The following CNTN4 variants were observed in gnomAD, a reference collection of about 807,000 sequenced individuals.
CNTN4 encodes contactin-4.
CNTN4 carries 77 observed loss-of-function variants against 122.5 expected under a neutral mutation model. That is an observed-to-expected ratio of 0.63 (90% CI 0.52 to 0.76). The LOEUF (loss-of-function observed/expected upper bound fraction) is 0.76, where lower values mean the gene tolerates loss of function less well. Among genes scored for constraint, CNTN4 ranks in the 30% least tolerant of loss-of-function variants. The probability of loss-of-function intolerance (pLI) is 0.00; values close to 1 mark genes in which losing one functional copy is unlikely to be tolerated. For synonymous variants in CNTN4, 512 were observed against 447.0 expected, an observed-to-expected ratio of 1.15 and a Z score of -1.83; for missense variants, 1,256 against 1,259.1, an observed-to-expected ratio of 1.00 and a Z score of 0.04.
chr3:2,542,621 G>A (rs746608687), intron 3 of CNTN4, among the ~76,000 whole-genome samples: 3 of 152,124 alleles, frequency 2.0e-5, no homozygotes, highest in Non-Finnish European at 2.9e-5. Context: ...GGAGATTAAG[G>A]TACAAATATT....
chr3:2,353,146 C>T (rs551135829), intron 3 of CNTN4, among the ~76,000 whole-genome samples: 20 of 151,860 alleles, frequency 1.3e-4, no homozygotes, highest in East Asian at 7.8e-4. Flanking sequence ...GTGTCTAGCT[C>T]GGGTTTTGTG....
At chr3:2,577,296 C>G (rs193041541) in intron 4 of CNTN4, among the ~76,000 whole-genome samples, 49 of 152,268 alleles carry the variant, frequency 3.2e-4, no homozygotes, top group Admixed American at 1.6e-3. Flanking sequence ...TGGGAAAAAA[C>G]AGCTTTAACA....
intron 3 of CNTN4, among the ~76,000 whole-genome samples, chr3:2,353,085 G>A (rs768085784): frequency 2.6e-5 from 4 of 151,890 alleles, no homozygotes; most frequent in African/African-American, 9.7e-5. Flanking sequence ...TATGGGGACT[G>A]GGAGAACTTT....
At chr3:2,993,040 C>T (rs543043407) in intron 14 of CNTN4, among the ~76,000 whole-genome samples, 1 of 152,250 alleles carries the variant, frequency 6.6e-6, no homozygotes, top group South Asian at 2.1e-4. Context: ...TCAGGGGTTT[C>T]ACACTATGCT....
At chr3:2,551,403 C>T (rs566476563) in intron 3 of CNTN4, among the ~76,000 whole-genome samples, 74 of 151,576 alleles carry the variant, frequency 4.9e-4, no homozygotes, top group Non-Finnish European at 9.3e-4. Flanking sequence ...CCTACACATG[C>T]ACACACAAAT....
chr3:2,394,975 C>T (rs955952862), intron 3 of CNTN4, among the ~76,000 whole-genome samples: 6 of 151,844 alleles, frequency 4.0e-5, no homozygotes, highest in Non-Finnish European at 5.9e-5. Flanking sequence ...TCGGTAGACA[C>T]GGGATTTTAC....
At chr3:2,232,604 T>C (rs924579086) in intron 2 of CNTN4, among the ~76,000 whole-genome samples, 1 of 152,162 alleles carries the variant, frequency 6.6e-6, no homozygotes, top group Non-Finnish European at 1.5e-5. Flanking sequence ...TTTTTATAAA[T>C]ATTGCTAAAT....
At chr3:2,245,358 T>C (rs2040103365) in intron 2 of CNTN4, among the ~76,000 whole-genome samples, 1 of 152,032 alleles carries the variant, frequency 6.6e-6, no homozygotes, top group African/African-American at 2.4e-5. Context: ...AGTAGCTACT[T>C]TGTGCCAGTT....
At chr3:2,276,363 A>T (rs569148812) in intron 2 of CNTN4, among the ~76,000 whole-genome samples, 190 of 151,942 alleles carry the variant, frequency 1.3e-3, no homozygotes, top group African/African-American at 3.9e-3. Flanking sequence ...TAGCAGAGAG[A>T]GGGTTTCACC....
intron 6 of CNTN4, among the ~76,000 whole-genome samples, chr3:2,802,609 AG>A (rs1675305714): frequency 6.6e-6 from 1 of 152,204 alleles, no homozygotes; most frequent in African/African-American, 2.4e-5. Context: ...AAACAAGTAA[AG>A]CAAGGTTATG....
chr3:2,552,885 C>T (rs979128303), intron 3 of CNTN4, among the ~76,000 whole-genome samples: 4 of 152,122 alleles, frequency 2.6e-5, no homozygotes, highest in African/African-American at 4.8e-5. Context: ...AGGAAGGTGA[C>T]GTGCTACGGC....
intron 3 of CNTN4, among the ~76,000 whole-genome samples, chr3:2,445,184 A>C (rs2048579407): frequency 6.6e-6 from 1 of 151,988 alleles, no homozygotes; most frequent in South Asian, 2.1e-4. Flanking sequence ...GCTCTCCTAA[A>C]ATGATGGGAT....
intron 2 of CNTN4, among the ~76,000 whole-genome samples, chr3:2,117,366 G>T (rs972481835): frequency 2.6e-5 from 4 of 152,178 alleles, no homozygotes; most frequent in African/African-American, 9.6e-5. Flanking sequence ...CCCTTTCTGG[G>T]CACACTACCC....
At position 2,971,416 on chromosome 3, in the gene CNTN4, G is replaced by C. The variant is rs143888286; in HGVS notation, c.1359-16929G>C. Among the ~76,000 whole-genome samples, 238 of 152,222 alleles carry C rather than the reference G, an allele frequency of 1.6e-3. 2 individuals are homozygous for C. Among genetic ancestry groups the C allele is most frequent in the Non-Finnish European group, 2.4e-3 (162 of 68,022 alleles). ...TTCTTATTGCTCTTTCATCAGAAGA[G>C]TAATGCTAGTGAATGATCTGGAATT... On this transcript the variant is annotated intron_variant, in intron 13 of 24. Transcript: ENST00000418658.
intron 4 of CNTN4, among the ~76,000 whole-genome samples, chr3:2,630,355 C>T (rs1051049520): frequency 6.6e-6 from 1 of 152,128 alleles, no homozygotes; most frequent in Admixed American, 6.5e-5. Flanking sequence ...GGGAGAATTG[C>T]TTGAACCTGG....
Position 2,482,969 on chromosome 3 carries a change from G to C in CNTN4, c.-88-88447G>C, listed in dbSNP as rs147303925. ...TGAGTCCCCACTGTGGCACTGCCTAGTGGAGCTATGAGAAGAAGGCCACCA... is the reference window on the plus strand; with the variant it reads ...TGAGTCCCCACTGTGGCACTGCCTACTGGAGCTATGAGAAGAAGGCCACCA... On this transcript the variant is annotated intron_variant, in intron 3 of 24. Transcript: ENST00000418658. Among the ~76,000 whole-genome samples the C allele has an allele frequency of 5.6e-3, 847 of 152,284 alleles. 2 individuals carry two copies. Among genetic ancestry groups the C allele is most frequent in the Non-Finnish European group, 8.0e-3 (542 of 68,012 alleles).
chr3:2,575,012 A>G (rs2079595931), intron 4 of CNTN4, among the ~76,000 whole-genome samples: 1 of 152,158 alleles, frequency 6.6e-6, no homozygotes, highest in African/African-American at 2.4e-5. Context: ...TTTATTTCAA[A>G]TGTTTGCTTT....
chr3:2,639,164 A>C (rs771316694), intron 4 of CNTN4, among the ~76,000 whole-genome samples: 2 of 152,164 alleles, frequency 1.3e-5, no homozygotes, highest in Non-Finnish European at 2.9e-5. Flanking sequence ...TTTTACTCAG[A>C]GCAAAGCCAA....
chr3:2,782,291 G>GT (rs1287140237), intron 6 of CNTN4, among the ~76,000 whole-genome samples: 2 of 146,780 alleles, frequency 1.4e-5, no homozygotes, highest in East Asian at 2.1e-4. Context: ...TAGATGGTAG[G>GT]TGGGGGGGGG....
Sources: gnomAD v4.1 joint callset for allele counts (sites outside exome capture counted in the v4.1 genomes callset) on GRCh38, gnomAD v4.1.1 for gene constraint, MANE v1.5 for transcripts, NCBI Gene and HGNC (gene_info 2026-07-23, HGNC 2026-07-21) for gene names.